FARS2: variants seen among roughly 807,000 people sequenced by gnomAD.
FARS2 encodes the protein phenylalanine--tRNA ligase, mitochondrial.
A neutral mutation model predicts 46.4 loss-of-function variants in FARS2; 40 were observed. The observed-to-expected ratio is 0.86, with a 90% CI of 0.67 to 1.12. The LOEUF (loss-of-function observed/expected upper bound fraction) is 1.12. FARS2 is among the 50% of genes most tolerant of loss of function. FARS2 has a pLI of 0.00. For synonymous variants in FARS2, 234 were observed against 214.9 expected (o/e 1.09, Z -0.78); for missense variants, 513 against 567.9 (o/e 0.90, Z 0.98).
chr6:5,587,382 G>T (rs1773675852), intron 5 of FARS2, among the ~76,000 whole-genome samples: 1 of 152,162 alleles, frequency 6.6e-6, no homozygotes, highest in African/African-American at 2.4e-5. Context: ...GTGAGGAAAA[G>T]GTGGGATCAT....
At chr6:5,387,440 G>A (rs1206827480) in intron 2 of FARS2, among the ~76,000 whole-genome samples, 2 of 152,196 alleles carry the variant, frequency 1.3e-5, no homozygotes, top group Non-Finnish European at 2.9e-5. Context: ...CTTCTTCTCT[G>A]TTGGCTTCTC....
At chr6:5,283,548 C>CAAA (rs11397113) in intron 1 of FARS2, among the ~76,000 whole-genome samples, 7,868 of 124,852 alleles carry the variant, frequency 0.063, 353 homozygotes, top group African/African-American at 0.12. Flanking sequence ...GACTTTGTTT[C>CAAA]AAAAAAAAAA....
chr6:5,598,492 A>G (rs1774328999), intron 5 of FARS2, among the ~76,000 whole-genome samples: 1 of 152,204 alleles, frequency 6.6e-6, no homozygotes, highest in Non-Finnish European at 1.5e-5. Context: ...TTGAGAGTTG[A>G]TGTTAGACTA....
intron 4 of FARS2, among the ~76,000 whole-genome samples, chr6:5,465,212 AGTTAAT>A (rs1447821957): frequency 6.6e-6 from 1 of 152,210 alleles, no homozygotes; most frequent in Non-Finnish European, 1.5e-5. Flanking sequence ...TGCTTTTAAT[AGTTAAT>A]TTTTGTGTAG....
chr6:5,521,774 G>A (rs1350373575), intron 4 of FARS2, among the ~76,000 whole-genome samples: 3 of 152,088 alleles, frequency 2.0e-5, no homozygotes. Flanking sequence ...AGACATTCAA[G>A]GATTTTCTTT....
chr6:5,763,865 C>T (rs1762616326), intron 6 of FARS2, among the ~76,000 whole-genome samples: 1 of 151,360 alleles, frequency 6.6e-6, no homozygotes, highest in East Asian at 1.9e-4. Context: ...ATCTGACTTC[C>T]ACTCCTCACT....
intron 1 of FARS2, among the ~76,000 whole-genome samples, chr6:5,307,505 A>G (rs879424675): frequency 6.6e-6 from 1 of 152,220 alleles, no homozygotes; most frequent in Admixed American, 6.5e-5. Context: ...GCACACACAC[A>G]TGCACAATTT....
intron 1 of FARS2, among the ~76,000 whole-genome samples, chr6:5,365,148 A>T (rs1758568847): frequency 6.6e-6 from 1 of 151,452 alleles, no homozygotes; most frequent in Non-Finnish European, 1.5e-5. Context: ...CATTTTTACT[A>T]TCTAAGCTAA....
At chr6:5,438,246 GCCCC>G (rs111391099) in intron 4 of FARS2, among the ~76,000 whole-genome samples, 775 of 35,804 alleles carry the variant, frequency 0.022, 29 homozygotes, top group African/African-American at 0.063. Context: ...CCCACCCCCC[GCCCC>G]CCCCCCCATT....
At chr6:5,267,102 C>T (rs1765597965) in intron 1 of FARS2, among the ~76,000 whole-genome samples, 2 of 149,436 alleles carry the variant, frequency 1.3e-5, no homozygotes, top group Admixed American at 1.3e-4. Flanking sequence ...ACAAAATTGA[C>T]AATTTATTTT....
chr6:5,366,669 G>A (rs1758700651), intron 1 of FARS2, among the ~76,000 whole-genome samples: 1 of 152,166 alleles, frequency 6.6e-6, no homozygotes, highest in African/African-American at 2.4e-5. Flanking sequence ...GTTTGGATGT[G>A]TGAAGAGCTG....
intron 6 of FARS2, among the ~76,000 whole-genome samples, chr6:5,692,790 C>T (rs557000624): frequency 2.6e-5 from 4 of 152,222 alleles, no homozygotes; most frequent in South Asian, 4.1e-4. Context: ...GTGTGTGCGT[C>T]ACTATTTTTA....
chr6:5,399,213 T>G (rs1206543228), intron 2 of FARS2, among the ~76,000 whole-genome samples: 8 of 149,684 alleles, frequency 5.3e-5, no homozygotes. Flanking sequence ...CTCCTTTTGT[T>G]GCCCAGGCTA....
rs538330531 is a variant in FARS2, at chr6:5,269,429, T to TTTGTTACAAG, written c.-22+7769_-22+7770insTTGTTACAAG. ...ACATATGTAACAAACCTGCACCTTG[T>TTTGTTACAAG]GCACATGTACCCTAGAACTTAAAGT... is the stretch of plus-strand genomic sequence containing the variant. On this transcript the variant is annotated intron_variant, in intron 1 of 6. Transcript: ENST00000274680. 8.7e-4 allele frequency among the ~76,000 whole-genome samples: 129 copies of TTTGTTACAAG among 147,880 alleles called. 1 individual carries two copies. The highest frequency in any genetic ancestry group is 3.2e-3 in the African/African-American group (125 of 39,640).
chr6:5,485,678 A>G (rs906064469), intron 4 of FARS2, among the ~76,000 whole-genome samples: 2 of 152,214 alleles, frequency 1.3e-5, no homozygotes, highest in African/African-American at 4.8e-5. Flanking sequence ...CAAATGTAAA[A>G]AACATTTTTT....
At chr6:5,352,596 C>T (rs1477955903) in intron 1 of FARS2, among the ~76,000 whole-genome samples, 1 of 151,260 alleles carries the variant, frequency 6.6e-6, no homozygotes, top group African/African-American at 2.4e-5. Flanking sequence ...CAGCTCTGGG[C>T]CTTGGTTTCC....
rs70974187 is a variant in FARS2 at position 5,296,129 on chromosome 6, C to CTTTTT, written c.-22+34495_-22+34499dup. Among the ~76,000 whole-genome samples the CTTTTT allele has an allele frequency of 2.6e-3, 142 of 55,082 alleles. 30 individuals carry two copies. Among genetic ancestry groups the CTTTTT allele is most frequent in the African/African-American group, 0.011 (125 of 11,302 alleles). The allele number at this position is 55,082 out of a possible 152,430, so 36.1% of individuals were successfully genotyped here. ...CAAACATAAAAATTATCATTTTGGC[C>CTTTTT]TTTTTTTTTTTTTTTTTTTTTTTTT... On this transcript the variant is annotated intron_variant, in intron 1 of 6. Transcript: ENST00000274680.
intron 6 of FARS2, among the ~76,000 whole-genome samples, chr6:5,756,973 G>A (rs756087355): frequency 5.3e-5 from 8 of 152,192 alleles, no homozygotes; most frequent in Non-Finnish European, 1.2e-4. Context: ...GGCCACACCA[G>A]TAGCTTCTTC....
intron 2 of FARS2, among the ~76,000 whole-genome samples, chr6:5,384,695 A>C (rs1291081644): frequency 6.6e-6 from 1 of 152,134 alleles, no homozygotes; most frequent in African/African-American, 2.4e-5. Flanking sequence ...GGTTTCCCTG[A>C]GAAAGCTCAG....
Sources: allele counts gnomAD v4.1 joint callset (sites outside exome capture counted in the v4.1 genomes callset), GRCh38; gene constraint gnomAD v4.1.1; transcripts MANE v1.5; gene names NCBI Gene and HGNC (gene_info 2026-07-23, HGNC 2026-07-21).